Variants in FNDC3A observed in about 807,000 individuals in gnomAD.
FNDC3A encodes fibronectin type-III domain-containing protein 3A.
FNDC3A carries 32 observed loss-of-function variants against 148.9 expected under a neutral mutation model. That is an observed-to-expected ratio of 0.21 (90% confidence interval 0.16 to 0.29). The LOEUF is 0.29. Ranked by LOEUF, FNDC3A falls within the 10% of genes least tolerant of loss-of-function variation. The pLI is 1.00. For synonymous variants in FNDC3A, 472 were observed against 473.6 expected (o/e 1.00, Z 0.04); for missense variants, 1,191 against 1,452.8 (o/e 0.82, Z 2.93).
At chr13:49,062,141 A>T (rs1048180212) in intron 2 of FNDC3A, among the ~76,000 whole-genome samples, 9 of 152,138 alleles carry the variant, frequency 5.9e-5, no homozygotes, top group Non-Finnish European at 8.8e-5. Context: ...GAGACATCTG[A>T]CAGATACTAC....
intron 3 of FNDC3A, among the ~76,000 whole-genome samples, chr13:49,079,812 C>T (rs1410795983): frequency 6.6e-6 from 1 of 152,156 alleles, no homozygotes. Flanking sequence ...GACTTTTCCA[C>T]ATTTATTTGT....
chr13:49,004,484 A>C (rs1378822322), intron 1 of FNDC3A, among the ~76,000 whole-genome samples: 1 of 152,052 alleles, frequency 6.6e-6, no homozygotes, highest in Non-Finnish European at 1.5e-5. Flanking sequence ...GTAATACCTT[A>C]AGTGGAATGG....
At chr13:49,025,954 A>G (rs1404826895) in intron 2 of FNDC3A, among the ~76,000 whole-genome samples, 1 of 152,220 alleles carries the variant, frequency 6.6e-6, no homozygotes, top group Non-Finnish European at 1.5e-5. Flanking sequence ...TCTTATATAT[A>G]AGGCACACAT....
At chr13:49,028,253 A>C (rs760977786) in intron 2 of FNDC3A, among the ~76,000 whole-genome samples, 1 of 151,976 alleles carries the variant, frequency 6.6e-6, no homozygotes, top group African/African-American at 2.4e-5. Flanking sequence ...TGTGCACTCT[A>C]TAAGAGACAC....
At chr13:49,158,907 T>G (rs1415552624) in intron 8 of FNDC3A, among the ~76,000 whole-genome samples, 1 of 152,226 alleles carries the variant, frequency 6.6e-6, no homozygotes, top group Non-Finnish European at 1.5e-5. Flanking sequence ...TTTTGTCAGG[T>G]TTGTCAAAGA....
chr13:49,000,729 T>G (rs568479374), intron 1 of FNDC3A, among the ~76,000 whole-genome samples: 1 of 152,302 alleles, frequency 6.6e-6, no homozygotes, highest in Admixed American at 6.5e-5. Flanking sequence ...TGCATTTATT[T>G]GTGTTTTTAA....
intron 8 of FNDC3A, among the ~76,000 whole-genome samples, chr13:49,166,389 G>A (rs61949504): frequency 0.016 from 2,503 of 152,296 alleles, 32 homozygotes; most frequent in Middle Eastern, 0.037. Flanking sequence ...GGTAGGAAAT[G>A]TCAGTGGGGC....
chr13:49,046,090 C>A (rs7988168), intron 2 of FNDC3A: 1 of 161,010 alleles, frequency 6.2e-6, no homozygotes, highest in African/African-American at 2.4e-5. Context: ...CTGTCAGAAA[C>A]TATAAATGTA....
chr13:49,209,673 A>G lies in FNDC3A; in HGVS notation c.*2278A>G, dbSNP rs1431937157. ...GAAATGTTATGGTCTCCCCTCTTCC[A>G]ATGAGCTTAAAACATTTTTCCCAAC... On this transcript the variant is annotated 3_prime_UTR_variant, in exon 26 of 26. Transcript: ENST00000492622. 1 of 152,502 alleles carries G rather than the reference A, an allele frequency of 6.6e-6. No homozygotes were observed. The highest frequency in any genetic ancestry group is 1.5e-5 in the Non-Finnish European group (1 of 68,038). 9.4% of individuals were successfully genotyped at this position (152,502 alleles called of 1,614,324 possible). A position where few individuals can be genotyped will look rare whatever the true frequency, so the allele number is the denominator to read the frequency against.
At chr13:49,029,177 G>C (rs1873937335) in intron 2 of FNDC3A, among the ~76,000 whole-genome samples, 1 of 152,028 alleles carries the variant, frequency 6.6e-6, no homozygotes, top group Admixed American at 6.5e-5. Flanking sequence ...TCCCTCTGTT[G>C]CCCAGGCTTC....
intron 1 of FNDC3A, chr13:48,988,050 A>G (rs1006563685): frequency 2.0e-5 from 3 of 152,228 alleles, no homozygotes; most frequent in Non-Finnish European, 4.4e-5. Context: ...AAAAAAAGAC[A>G]AAGAAGGGCA....
At chr13:49,181,440 G>A (rs1885297791) in intron 14 of FNDC3A, among the ~76,000 whole-genome samples, 2 of 152,164 alleles carry the variant, frequency 1.3e-5, no homozygotes. Context: ...GGGGGCAGAG[G>A]CCTAGCAGTC....
chr13:49,197,618 C>A, intron 20 of FNDC3A, 107 bp from the exon 21 acceptor site: 3 of 868,702 alleles, frequency 3.5e-6, no homozygotes, highest in South Asian at 1.8e-5. Flanking sequence ...TTTAAAGAAA[C>A]TCAAAAGCAA....
intron 3 of FNDC3A, among the ~76,000 whole-genome samples, chr13:49,113,255 C>CTTCCCCCT (rs1485578758): frequency 3.3e-5 from 5 of 151,422 alleles, no homozygotes; most frequent in African/African-American, 1.2e-4. Flanking sequence ...TCCTTGCTTG[C>CTTCCCCCT]TTCCCCCTTT....
At chr13:49,103,890 T>C (rs1407638469) in intron 3 of FNDC3A, among the ~76,000 whole-genome samples, 1 of 152,180 alleles carries the variant, frequency 6.6e-6, no homozygotes, top group Admixed American at 6.5e-5. Flanking sequence ...AGAAAAAGTC[T>C]GGATGAGATA....
At chr13:49,176,566 G>C (rs1041711666) in intron 13 of FNDC3A, among the ~76,000 whole-genome samples, 4 of 152,032 alleles carry the variant, frequency 2.6e-5, no homozygotes, top group African/African-American at 4.8e-5. Flanking sequence ...AACCACCATG[G>C]CACATGTATA....
intron 3 of FNDC3A, among the ~76,000 whole-genome samples, chr13:49,104,543 G>GA (rs1160335634): frequency 1.3e-5 from 2 of 151,376 alleles, no homozygotes; most frequent in African/African-American, 4.9e-5. Flanking sequence ...AAAAAGAAAA[G>GA]AAAAAAAAGA....
At chr13:49,151,365 A>G (rs1018353471) in intron 8 of FNDC3A, among the ~76,000 whole-genome samples, 2 of 152,108 alleles carry the variant, frequency 1.3e-5, no homozygotes, top group African/African-American at 4.8e-5. Flanking sequence ...TGTTTTTGAC[A>G]TAAAGTCTGT....
At chr13:49,032,858 G>A (rs1874226719) in intron 2 of FNDC3A, among the ~76,000 whole-genome samples, 1 of 152,048 alleles carries the variant, frequency 6.6e-6, no homozygotes, top group African/African-American at 2.4e-5. Context: ...ACTCTTTACA[G>A]GGTAAATTTT....
Sources: allele counts gnomAD v4.1 joint callset (sites outside exome capture counted in the v4.1 genomes callset), GRCh38; gene constraint gnomAD v4.1.1; transcripts MANE v1.5; gene names NCBI Gene and HGNC (gene_info 2026-07-23, HGNC 2026-07-21).